The following RARB variants were observed in gnomAD, a reference collection of about 807,000 sequenced individuals.
RARB encodes retinoic acid receptor beta.
A neutral mutation model predicts 51.9 loss-of-function variants in RARB; 17 were observed. That is an observed-to-expected ratio of 0.33 (90% CI 0.22 to 0.49). The LOEUF (loss-of-function observed/expected upper bound fraction) is 0.49, where lower values mean the gene tolerates loss of function less well. RARB is among the 20% of genes least tolerant of loss of function. The pLI, the probability that RARB is intolerant of heterozygous loss-of-function variation, is 0.99. For synonymous variants in RARB, 215 were observed against 195.4 expected, an observed-to-expected ratio of 1.10 and a Z score of -0.84; for missense variants, 369 against 550.8, an observed-to-expected ratio of 0.67 and a Z score of 3.30.
chr3:25,205,711 C>T (rs1375456006), intron 5 of RARB, among the ~76,000 whole-genome samples: 1 of 151,822 alleles, frequency 6.6e-6, no homozygotes, highest in African/African-American at 2.4e-5. Flanking sequence ...ATTATGTACC[C>T]ATAAAAATAA....
chr3:24,908,600 T>A (rs1322078066), intron 2 of RARB, among the ~76,000 whole-genome samples: 1 of 150,294 alleles, frequency 6.7e-6, no homozygotes, highest in Non-Finnish European at 1.5e-5. Flanking sequence ...AGAAAGTAAA[T>A]GACTAGATAA....
intron 5 of RARB, among the ~76,000 whole-genome samples, chr3:25,359,725 G>A (rs533393748): frequency 3.9e-5 from 6 of 152,032 alleles, no homozygotes; most frequent in African/African-American, 1.2e-4. Flanking sequence ...CCTCAATTTT[G>A]TTATTTACCC....
intron 2 of RARB, among the ~76,000 whole-genome samples, chr3:25,030,211 A>G (rs1471858005): frequency 2.6e-5 from 4 of 152,258 alleles, no homozygotes; most frequent in African/African-American, 4.8e-5. Context: ...GAGAGGAAGA[A>G]TATTATATTG....
At chr3:25,058,427 A>G (rs995384503) in intron 2 of RARB, among the ~76,000 whole-genome samples, 2 of 151,828 alleles carry the variant, frequency 1.3e-5, no homozygotes, top group African/African-American at 4.8e-5. Flanking sequence ...TATAAAACTT[A>G]CACAGTTCTG....
At chr3:24,975,413 G>C (rs1312565262) in intron 2 of RARB, among the ~76,000 whole-genome samples, 1 of 152,016 alleles carries the variant, frequency 6.6e-6, no homozygotes, top group Non-Finnish European at 1.5e-5. Flanking sequence ...AAGAGTTCAG[G>C]TATAATCCCT....
intron 3 of RARB, among the ~76,000 whole-genome samples, chr3:25,127,962 A>G (rs1699888459): frequency 6.6e-6 from 1 of 152,120 alleles, no homozygotes; most frequent in Non-Finnish European, 1.5e-5. Context: ...TGACCCTCCT[A>G]ATGAAGTTCC....
At chr3:25,250,338 G>T (rs1446857853) in intron 5 of RARB, among the ~76,000 whole-genome samples, 1 of 152,204 alleles carries the variant, frequency 6.6e-6, no homozygotes, top group Non-Finnish European at 1.5e-5. Context: ...AGGGTAGACA[G>T]GGATAGGGTA....
intron 2 of RARB, among the ~76,000 whole-genome samples, chr3:25,484,441 A>G (rs914421848): frequency 3.3e-5 from 5 of 152,068 alleles, no homozygotes; most frequent in African/African-American, 1.2e-4. Flanking sequence ...GTTTTCTCCA[A>G]CCTCGCTGAT....
chr3:25,385,555 C>G (rs1332408106), intron 5 of RARB, among the ~76,000 whole-genome samples: 1 of 152,166 alleles, frequency 6.6e-6, no homozygotes, highest in African/African-American at 2.4e-5. Flanking sequence ...TCAGTTTCCC[C>G]TACCACGAGG....
chr3:24,920,225 T>C (rs1695189243), intron 2 of RARB, among the ~76,000 whole-genome samples: 1 of 152,176 alleles, frequency 6.6e-6, no homozygotes, highest in South Asian at 2.1e-4. Context: ...TTGAAGTCCT[T>C]AAAAATAGTC....
chr3:25,212,782 A>G (rs1047045424), intron 5 of RARB, among the ~76,000 whole-genome samples: 1 of 152,162 alleles, frequency 6.6e-6, no homozygotes, highest in African/African-American at 2.4e-5. Context: ...AAAAAAATAT[A>G]TTACAAACCT....
intron 5 of RARB, among the ~76,000 whole-genome samples, chr3:25,588,959 T>C (rs1461107151): frequency 6.6e-6 from 1 of 152,178 alleles, no homozygotes; most frequent in South Asian, 2.1e-4. Context: ...AAGCAAATCA[T>C]TAAGTCCAGG....
chr3:25,404,670 A>C (rs930417464), intron 5 of RARB, among the ~76,000 whole-genome samples: 6 of 152,168 alleles, frequency 3.9e-5, no homozygotes, highest in Non-Finnish European at 8.8e-5. Flanking sequence ...ATGGCGGGGA[A>C]GAAAACGCCA....
intron 1 of RARB, among the ~76,000 whole-genome samples, chr3:25,434,322 A>G (rs1708332049): frequency 6.6e-6 from 1 of 152,216 alleles, no homozygotes; most frequent in African/African-American, 2.4e-5. Flanking sequence ...GTCGTTTAAT[A>G]AAAGTGGATT....
intron 3 of RARB, among the ~76,000 whole-genome samples, chr3:25,078,126 A>G (rs1658606966): frequency 6.6e-6 from 1 of 152,128 alleles, no homozygotes; most frequent in South Asian, 2.1e-4. Context: ...TTTTTGAGAA[A>G]TAGAAGTTTT....
chr3:25,088,308 T>C (rs1439916100), intron 3 of RARB, among the ~76,000 whole-genome samples: 2 of 152,170 alleles, frequency 1.3e-5, no homozygotes, highest in Admixed American at 6.6e-5. Flanking sequence ...TAGAGTGATA[T>C]TGACAGTGGC....
chr3:25,117,236 C>G (rs778512238), intron 3 of RARB, among the ~76,000 whole-genome samples: 1 of 152,092 alleles, frequency 6.6e-6, no homozygotes. Flanking sequence ...TAATCTACTT[C>G]CCAAGTAATA....
At chr3:25,452,829 A>C (rs1709254378) in intron 1 of RARB, among the ~76,000 whole-genome samples, 2 of 152,184 alleles carry the variant, frequency 1.3e-5, no homozygotes, top group African/African-American at 2.4e-5. Flanking sequence ...TCTATTAAGC[A>C]CTTTGCATGG....
intron 2 of RARB, among the ~76,000 whole-genome samples, chr3:24,993,050 A>G (rs751782390): frequency 3.9e-5 from 6 of 152,236 alleles, no homozygotes; most frequent in Non-Finnish European, 5.9e-5. Flanking sequence ...TTAGAAATCT[A>G]TATACAATAA....
Sources: allele counts gnomAD v4.1 joint callset (sites outside exome capture counted in the v4.1 genomes callset), GRCh38; gene constraint gnomAD v4.1.1; transcripts MANE v1.5; gene names NCBI Gene and HGNC (gene_info 2026-07-23, HGNC 2026-07-21).